The following RASSF3 variants were observed in gnomAD, a reference collection of about 807,000 sequenced individuals.
RASSF3 encodes the protein ras association domain-containing protein 3.
A neutral mutation model predicts 19.9 loss-of-function variants in RASSF3; 19 were observed. The ratio of observed to expected loss-of-function variants is 0.96; its 90% confidence interval spans 0.67 to 1.40. The LOEUF (loss-of-function observed/expected upper bound fraction) is 1.40. RASSF3 is among the 40% of genes most tolerant of loss of function. RASSF3 has a pLI of 0.00. For synonymous variants in RASSF3, 110 were observed against 104.2 expected (o/e 1.06, Z -0.34); for missense variants, 306 against 289.8 (o/e 1.06, Z -0.41).
At chr12:64,510,340 T>C (rs1212142495) in intron 1 of RASSF3, among the ~76,000 whole-genome samples, 1 of 152,196 alleles carries the variant, frequency 6.6e-6, no homozygotes, top group Non-Finnish European at 1.5e-5. Flanking sequence ...TGCTAATGCC[T>C]GGGGATCCTT....
rs766383700 is a variant in RASSF3, at chr12:64,610,761, G to A, written c.111+18G>A. On this transcript the variant is annotated intron_variant, in intron 1 of 4. Transcript: ENST00000542104. ...GCCAACAAGTGAGTGGCGCGCGGCG[G>A]GCGCTGCAGCCCGCGCCCCAGAGTT... The A allele has an allele frequency of 4.5e-6, 7 of 1,543,476 alleles. No individual in the cohort carries two copies. The South Asian group carries it at 8.0e-5, about 18-fold the overall frequency.
At chr12:64,606,698 C>T (rs922574295), upstream of RASSF3, among the ~76,000 whole-genome samples, 1 of 152,102 alleles carries the variant, frequency 6.6e-6, no homozygotes, top group African/African-American at 2.4e-5. Context: ...GCCTGTAATC[C>T]TAGCTACTCG....
chr12:64,555,715 C>T (rs947311348), intron 2 of RASSF3, among the ~76,000 whole-genome samples: 1 of 150,860 alleles, frequency 6.6e-6, no homozygotes, highest in Non-Finnish European at 1.5e-5. Context: ...CACCACTGCA[C>T]TCCAGCCTGG....
intron 1 of RASSF3, among the ~76,000 whole-genome samples, chr12:64,521,660 G>C (rs17823286): frequency 2.0e-5 from 3 of 152,006 alleles, no homozygotes; most frequent in Non-Finnish European, 4.4e-5. Context: ...CGTCTATGTC[G>C]CTGTTTTCCA....
chr12:64,619,155 G>A (rs987387644), intron 1 of RASSF3, among the ~76,000 whole-genome samples: 2 of 152,130 alleles, frequency 1.3e-5, no homozygotes, highest in African/African-American at 4.8e-5. Flanking sequence ...AATCTCCATT[G>A]TCTTGGTGGC....
At chr12:64,611,425 T>G (rs1226199305) in intron 1 of RASSF3, 1 of 152,278 alleles carries the variant, frequency 6.6e-6, no homozygotes, top group Non-Finnish European at 1.5e-5. Flanking sequence ...GTTTCTTCCT[T>G]TTTTGGAGGC....
chr12:64,531,792 C>T (rs138514230), upstream of RASSF3, among the ~76,000 whole-genome samples: 2 of 152,260 alleles, frequency 1.3e-5, no homozygotes, highest in East Asian at 1.9e-4. Flanking sequence ...CTTCTAGGAA[C>T]GCCCCTTTGT....
intron 1 of RASSF3, among the ~76,000 whole-genome samples, chr12:64,652,359 C>CTT (rs767904259): frequency 6.6e-6 from 1 of 150,538 alleles, no homozygotes; most frequent in Non-Finnish European, 1.5e-5. Flanking sequence ...GGTGTTTGGG[C>CTT]TTTTTTTTTA....
At chr12:64,561,319 A>G (rs1869343559) in intron 2 of RASSF3, among the ~76,000 whole-genome samples, 1 of 152,218 alleles carries the variant, frequency 6.6e-6, no homozygotes, top group Non-Finnish European at 1.5e-5. Flanking sequence ...TTAATGATGA[A>G]AGAAGAGAAA....
chr12:64,631,830 C>T (rs768346854), intron 1 of RASSF3, among the ~76,000 whole-genome samples: 12 of 152,102 alleles, frequency 7.9e-5, no homozygotes, highest in Non-Finnish European at 1.3e-4. Context: ...CCACCTCGGC[C>T]TCCCAAAGTG....
intron 1 of RASSF3, among the ~76,000 whole-genome samples, chr12:64,617,774 G>T (rs1870601273): frequency 6.6e-6 from 1 of 152,100 alleles, no homozygotes; most frequent in Admixed American, 6.6e-5. Context: ...GGCCAGGCTG[G>T]TCTTGAACTC....
rs1396757260 is a variant in RASSF3, at chr12:64,697,374, G to C, written c.*2462G>C. The stretch of plus-strand genomic sequence containing the variant: ...TGTAATACTGTTTTCTCTTCAATAT[G>C]TGATGGTACAGGAAGGATGTTAAAT... On this transcript the variant is annotated 3_prime_UTR_variant, in exon 5 of 5. Transcript: ENST00000542104. 1 of 152,156 alleles carries C rather than the reference G, an allele frequency of 6.6e-6. No homozygotes were observed. The highest frequency in any genetic ancestry group is 1.9e-4 in the East Asian group (1 of 5,208). The allele number at this position is 152,156 out of a possible 1,614,324, so 9.4% of individuals were successfully genotyped here.
At chr12:64,560,272 G>A (rs1049650584) in intron 2 of RASSF3, among the ~76,000 whole-genome samples, 1 of 152,178 alleles carries the variant, frequency 6.6e-6, no homozygotes, top group Admixed American at 6.5e-5. Context: ...AGAGCTCTAG[G>A]ACTATCAGAG....
At chr12:64,568,629 G>T (rs1869470553) in intron 2 of RASSF3, among the ~76,000 whole-genome samples, 1 of 152,036 alleles carries the variant, frequency 6.6e-6, no homozygotes, top group Non-Finnish European at 1.5e-5. Context: ...GTGGGGTTCG[G>T]TTCTACTGAA....
At chr12:64,661,267 G>A (rs1223482770) in intron 1 of RASSF3, among the ~76,000 whole-genome samples, 1 of 152,186 alleles carries the variant, frequency 6.6e-6, no homozygotes, top group East Asian at 1.9e-4. Context: ...AGCACTTTGG[G>A]AGGCCAAGGC....
At chr12:64,635,243 C>T (rs1871295474) in intron 1 of RASSF3, among the ~76,000 whole-genome samples, 1 of 152,082 alleles carries the variant, frequency 6.6e-6, no homozygotes, top group Non-Finnish European at 1.5e-5. Context: ...CATGAGCCAC[C>T]ATGCCTGGCC....
chr12:64,688,134 CTTCCCGTTTTG>C (rs1873429418), intron 2 of RASSF3, 71 bp from the exon 3 acceptor site: 1 of 923,458 alleles, frequency 1.1e-6, no homozygotes, highest in African/African-American at 1.6e-5. Flanking sequence ...AGTGTTTCAC[CTTCCCGTTTTG>C]TTTTGATATG....
chr12:64,544,462 C>T (rs1478473789), downstream of RASSF3, among the ~76,000 whole-genome samples: 1 of 152,150 alleles, frequency 6.6e-6, no homozygotes, highest in Non-Finnish European at 1.5e-5. Context: ...AGACCAAGAA[C>T]CCACCAATTC....
At chr12:64,524,901 C>T in intron 1 of RASSF3, among the ~76,000 whole-genome samples, 1 of 152,180 alleles carries the variant, frequency 6.6e-6, no homozygotes, top group East Asian at 1.9e-4. Context: ...CCTCTTTATT[C>T]AGTTGTTAGG....
Sources: gnomAD v4.1 joint callset for allele counts (sites outside exome capture counted in the v4.1 genomes callset) on GRCh38, gnomAD v4.1.1 for gene constraint, MANE v1.5 for transcripts, NCBI Gene and HGNC (gene_info 2026-07-23, HGNC 2026-07-21) for gene names.